Variants in UBR2 observed in about 807,000 individuals in gnomAD.
UBR2 encodes E3 ubiquitin-protein ligase UBR2.
UBR2 carries 92 observed loss-of-function variants against 247.9 expected under a neutral mutation model. The ratio of observed to expected loss-of-function variants is 0.37; its 90% CI spans 0.31 to 0.44. The LOEUF is 0.44. Ranked by LOEUF, UBR2 falls within the 20% of genes least tolerant of loss-of-function variation. The pLI is 1.00. For missense variants in UBR2, 1,613 were observed against 2,112.6 expected, an observed-to-expected ratio of 0.76 and a Z score of 4.64; for synonymous variants, 672 against 693.5, an observed-to-expected ratio of 0.97 and a Z score of 0.49.
At chr6:42,642,273 T>C (rs1386319840) in intron 17 of UBR2, 143 bp from the exon 18 acceptor site, 6 of 636,136 alleles carry the variant, frequency 9.4e-6, no homozygotes, top group Non-Finnish European at 5.5e-6. Context: ...TAATTAATCT[T>C]TACTAAGATA....
chr6:42,646,814 T>TAGAGAG (rs1194562995), intron 21 of UBR2, among the ~76,000 whole-genome samples: 6 of 146,854 alleles, frequency 4.1e-5, no homozygotes, highest in Non-Finnish European at 7.5e-5. Context: ...TGTTTATATA[T>TAGAGAG]ATATATAGAG....
At chr6:42,606,360 G>A (rs1461944671) in intron 6 of UBR2, among the ~76,000 whole-genome samples, 1 of 152,070 alleles carries the variant, frequency 6.6e-6, no homozygotes, top group Non-Finnish European at 1.5e-5. Context: ...AATTATAGAT[G>A]CCTAAAATAA....
chr6:42,652,155 T>G lies in UBR2; in HGVS notation c.2614+84T>G. 3.9e-6 allele frequency: 5 copies of G among 1,280,074 alleles called. No individual in the cohort carries two copies. The South Asian group carries it at 7.2e-5, about 18-fold the overall frequency. The allele number at this position is 1,280,074 out of a possible 1,614,324, so 79.3% of individuals were successfully genotyped here. A position where few individuals can be genotyped will look rare whatever the true frequency, so the allele number is the denominator to read the frequency against. ...TTCTGTTAACTATGATGATTGTCCT[T>G]GGTGGAATGAATATTTAAATGTAAG... is the stretch of plus-strand genomic sequence containing the variant. On this transcript the variant is annotated intron_variant, in intron 24 of 46. Transcript: ENST00000372901.
chr6:42,566,471 G>A (rs903832843), intron 1 of UBR2, among the ~76,000 whole-genome samples: 2 of 152,098 alleles, frequency 1.3e-5, no homozygotes, highest in Non-Finnish European at 2.9e-5. Context: ...TGCAACCTCC[G>A]CCTCCGGGGT....
At chr6:42,614,199 A>T (rs1371430760) in intron 8 of UBR2, among the ~76,000 whole-genome samples, 34,024 of 73,290 alleles carry the variant, frequency 0.46, 8,208 homozygotes, top group South Asian at 0.48. Flanking sequence ...AAAAAAAAAA[A>T]AAAAAACTAT....
chr6:42,636,882 G>A, intron 14 of UBR2, 129 bp from the exon 15 acceptor site: 4 of 924,144 alleles, frequency 4.3e-6, no homozygotes, highest in Non-Finnish European at 6.4e-6. Context: ...CCAAATTTGG[G>A]AGGGAGGATT....
intron 22 of UBR2, among the ~76,000 whole-genome samples, chr6:42,650,071 G>C (rs182182955): frequency 8.5e-5 from 13 of 152,296 alleles, no homozygotes; most frequent in Non-Finnish European, 1.6e-4. Context: ...CACTTGTCTA[G>C]TTAGGATAAA....
At chr6:42,596,676 T>G (rs1217204150) in intron 4 of UBR2, among the ~76,000 whole-genome samples, 2 of 152,228 alleles carry the variant, frequency 1.3e-5, no homozygotes, top group African/African-American at 4.8e-5. Flanking sequence ...AACTGATACA[T>G]GCTACAACAT....
chr6:42,668,625 A>C (rs1000841172), intron 34 of UBR2, among the ~76,000 whole-genome samples: 2 of 152,052 alleles, frequency 1.3e-5, no homozygotes, highest in African/African-American at 2.4e-5. Flanking sequence ...TTTTTAGTAG[A>C]GACAGGGTTT....
chr6:42,576,547 T>TTA (rs1791524080), intron 2 of UBR2, among the ~76,000 whole-genome samples: 1 of 136,118 alleles, frequency 7.3e-6, no homozygotes, highest in Non-Finnish European at 1.6e-5. Flanking sequence ...TTTTTTTTTT[T>TTA]GAGATGGAGT....
At chr6:42,597,547 T>C (rs1793052743) in intron 4 of UBR2, among the ~76,000 whole-genome samples, 1 of 150,638 alleles carries the variant, frequency 6.6e-6, no homozygotes, top group African/African-American at 2.4e-5. Flanking sequence ...CAGTGAGCCA[T>C]GATTGTACCA....
chr6:42,651,690 C>T (rs768204432), intron 23 of UBR2, among the ~76,000 whole-genome samples: 2 of 151,998 alleles, frequency 1.3e-5, no homozygotes, highest in African/African-American at 2.4e-5. Context: ...GGGGATTCTC[C>T]GCGTTGGCCA....
chr6:42,621,277 C>T (rs113875788), intron 11 of UBR2, among the ~76,000 whole-genome samples: 3,555 of 152,186 alleles, frequency 0.023, 125 homozygotes, highest in African/African-American at 0.08. Flanking sequence ...ATTGAAGATA[C>T]TTTTTCACCT....
In UBR2 at chr6:42,573,917, A is replaced by G; in HGVS notation, c.262A>G (p.Lys88Glu). The G allele has an allele frequency of 6.2e-7, 1 of 1,613,862 alleles. No homozygotes were observed. Among genetic ancestry groups the G allele is most frequent in the Non-Finnish European group, 8.5e-7 (1 of 1,179,930 alleles). Residue 88 changes from lysine (K) to glutamate (E), a missense_variant, in exon 2 of 47, where the codon AAA becomes GAA. By Grantham distance (56) the Lys-to-Glu change is moderately conservative. Transcript: ENST00000372901. ...TGAAGATCCTGCATTTGGATTTCCA[A>G]AACTTGAGCAAGCAAACAAACCTTC... ...CGEDPAFGFP[K>E]LEQANKPSHL...
chr6:42,615,283 T>A (rs370706362), intron 9 of UBR2, 105 bp downstream of exon 9: 1 of 803,916 alleles, frequency 1.2e-6, no homozygotes, highest in East Asian at 3.0e-5. Flanking sequence ...ATATTTGTGC[T>A]TCTTAAAATT....
rs1245883209 is a variant in UBR2 at position 42,641,652 on chromosome 6, C to T, written c.1991C>T (p.Ala664Val). The T allele has an allele frequency of 6.2e-7, 1 of 1,608,670 alleles. No individual in the cohort carries two copies. Among genetic ancestry groups the T allele is most frequent in the Non-Finnish European group, 8.5e-7 (1 of 1,178,190 alleles). Residue 664 changes from alanine (A) to valine (V), a missense_variant, in exon 17 of 47, where the codon GCC (alanine) becomes GTC (valine). By Grantham distance (64) the Ala-to-Val change is moderately conservative. Transcript: ENST00000372901. ...CTTGTTCTGTGTGCCCAAGTACATG[C>T]CGGAATGTGGAGAAGAAATGGGTTC... ...RCLVLCAQVH[A>V]GMWRRNGFSL...
At chr6:42,690,972 G>A in intron 46 of UBR2, 60 bp from the exon 47 acceptor site, 1 of 1,584,438 alleles carries the variant, frequency 6.3e-7, no homozygotes, top group Non-Finnish European at 8.6e-7. Flanking sequence ...AGGAAGGGTT[G>A]GGTTATAATA....
At chr6:42,617,228 CTTG>C (rs1022926603) in intron 10 of UBR2, 178 bp from the exon 11 acceptor site, 10 of 1,613,130 alleles carry the variant, frequency 6.2e-6, no homozygotes, top group Non-Finnish European at 8.5e-6. Flanking sequence ...GAATCTCCCC[CTTG>C]TTGTTTAGAA....
At chr6:42,606,230 G>A (rs941223618) in intron 6 of UBR2, among the ~76,000 whole-genome samples, 29 of 150,512 alleles carry the variant, frequency 1.9e-4, no homozygotes, top group Non-Finnish European at 2.4e-4. Context: ...GCGACAAAGC[G>A]AGACTCCATC....
Sources: gnomAD v4.1 joint callset for allele counts (sites outside exome capture counted in the v4.1 genomes callset) on GRCh38, gnomAD v4.1.1 for gene constraint, MANE v1.5 for transcripts, NCBI Gene and HGNC (gene_info 2026-07-23, HGNC 2026-07-21) for gene names.